Variants in PLD5 observed in about 807,000 individuals in gnomAD.
The protein encoded by PLD5 is phospholipase D family member 5, also known as inactive phospholipase D5.
In PLD5, 36 loss-of-function variants were observed where a neutral mutation model predicts 61.1. The ratio of observed to expected loss-of-function variants is 0.59; its 90% CI spans 0.45 to 0.78. The LOEUF is 0.78. Among genes scored for constraint, PLD5 ranks in the 30% least tolerant of loss-of-function variants. PLD5 has a pLI of 0.00. For missense variants in PLD5, 515 were observed against 644.4 expected, an observed-to-expected ratio of 0.80 and a Z score of 2.17; for synonymous variants, 243 against 242.8, an observed-to-expected ratio of 1.00 and a Z score of -0.01.
intron 6 of PLD5, among the ~76,000 whole-genome samples, chr1:242,114,857 T>C (rs924355727): frequency 6.6e-6 from 1 of 152,158 alleles, no homozygotes; most frequent in Admixed American, 6.5e-5. Flanking sequence ...GTTATTTCAT[T>C]ATATATTACA....
upstream of PLD5, among the ~76,000 whole-genome samples, chr1:242,526,467 C>T (rs543493724): frequency 6.6e-6 from 1 of 152,256 alleles, no homozygotes; most frequent in African/African-American, 2.4e-5. Flanking sequence ...GATGGAGTCT[C>T]GCTCTGTCAC....
intron 9 of PLD5, among the ~76,000 whole-genome samples, chr1:242,093,407 A>G (rs1403841272): frequency 2.0e-5 from 3 of 152,114 alleles, no homozygotes; most frequent in Admixed American, 2.0e-4. Context: ...TCTCATCCCC[A>G]CAGCTGTTGC....
In PLD5 at chr1:242,328,773, A is replaced by G. The variant is rs370585422; in HGVS notation, c.326+19333T>C. On this transcript the variant is annotated intron_variant, in intron 2 of 9. Transcript: ENST00000536534. ...TAAGAATACAAAGCCAAAGATACCA[A>G]TATTTCTCCAGAATCAACCTGCCAC... 1.1e-4 allele frequency among the ~76,000 whole-genome samples: 17 copies of G among 152,308 alleles called. No individual in the cohort carries two copies. The South Asian group carries it at 2.9e-3, about 26-fold the overall frequency.
intron 1 of PLD5, among the ~76,000 whole-genome samples, chr1:242,373,169 C>T (rs1212302023): frequency 6.6e-6 from 1 of 152,184 alleles, no homozygotes; most frequent in African/African-American, 2.4e-5. Context: ...TCAAAGAAGA[C>T]ATTTATGCAG....
intron 1 of PLD5, among the ~76,000 whole-genome samples, chr1:242,410,826 C>G (rs1383294982): frequency 1.3e-5 from 2 of 152,082 alleles, no homozygotes; most frequent in Non-Finnish European, 2.9e-5. Flanking sequence ...TGCTCAGATT[C>G]TGTGATCCTG....
chr1:242,181,961 G>C (rs551662353), intron 5 of PLD5, among the ~76,000 whole-genome samples: 212 of 152,284 alleles, frequency 1.4e-3, no homozygotes, highest in African/African-American at 4.8e-3. Flanking sequence ...CTTCACTGTA[G>C]AAAAGATAAA....
At chr1:242,420,770 G>A (rs181652650) in intron 1 of PLD5, among the ~76,000 whole-genome samples, 238 of 152,228 alleles carry the variant, frequency 1.6e-3, no homozygotes, top group Non-Finnish European at 2.6e-3. Flanking sequence ...TCAAAGGTTC[G>A]AGAAATTCCT....
intron 1 of PLD5, among the ~76,000 whole-genome samples, chr1:242,510,967 G>A (rs1294943263): frequency 6.6e-6 from 1 of 152,170 alleles, no homozygotes; most frequent in Non-Finnish European, 1.5e-5. Flanking sequence ...AGTGGACCTT[G>A]TGGGGGCTGA....
intron 2 of PLD5, among the ~76,000 whole-genome samples, chr1:242,328,306 ATATATGTTCTACATAT>A (rs1209995598): frequency 1.2e-3 from 3 of 2,432 alleles, no homozygotes; most frequent in African/African-American, 2.7e-3. Flanking sequence ...TGTTCTACAT[ATATATGTTCTACATAT>A]ATGTGTTTTA....
At chr1:242,152,201 GTCGCATGGCC>G (rs2148819691) in intron 5 of PLD5, among the ~76,000 whole-genome samples, 1 of 152,044 alleles carries the variant, frequency 6.6e-6, no homozygotes, top group South Asian at 2.1e-4. Context: ...CACCTTCCCT[GTCGCATGGCC>G]TCTTCCTCCA....
chr1:242,487,214 T>A lies in PLD5; in HGVS notation c.189+36874A>T, dbSNP rs9887852. Among the ~76,000 whole-genome samples the A allele has an allele frequency of 4.6e-3, 691 of 151,148 alleles. 6 individuals are homozygous for A. Among genetic ancestry groups the A allele is most frequent in the African/African-American group, 0.016 (671 of 41,208 alleles). On this transcript the variant is annotated intron_variant, in intron 1 of 9. Transcript: ENST00000536534. ...TACCCTAAAACTTAAAGTATATATA[T>A]AAAAAAAAGTGACCAAAGAAAAAAA...
chr1:242,248,922 C>T lies in PLD5; in HGVS notation c.607+16415G>A, dbSNP rs1237125203. Among the ~76,000 whole-genome samples, 14 of 152,160 alleles carry T rather than the reference C, an allele frequency of 9.2e-5. 1 individual carries two copies. In the South Asian group the frequency reaches 1.0e-3, roughly 11 times the overall value. ...CAGTACTTTAGGAGGCCAAGGCGGGCGGATCACCTAAGGTCAGGAGTTTGA... is the reference window on the plus strand; with the variant it reads ...CAGTACTTTAGGAGGCCAAGGCGGGTGGATCACCTAAGGTCAGGAGTTTGA... On this transcript the variant is annotated intron_variant, in intron 4 of 9. Coordinates refer to ENST00000536534, the MANE Select transcript of PLD5 (RefSeq NM_001372062.1).
At chr1:242,461,378 T>C (rs1457891852) in intron 1 of PLD5, among the ~76,000 whole-genome samples, 1 of 152,188 alleles carries the variant, frequency 6.6e-6, no homozygotes, top group Non-Finnish European at 1.5e-5. Context: ...TGGAGGTGTA[T>C]TATAGTATGC....
chr1:242,314,321 T>C (rs1676880123), intron 2 of PLD5, among the ~76,000 whole-genome samples: 7 of 152,176 alleles, frequency 4.6e-5, no homozygotes, highest in Admixed American at 4.6e-4. Flanking sequence ...AATGCACAAG[T>C]AGGTCTGGCC....
At chr1:242,198,574 C>T (rs1420253317) in intron 5 of PLD5, among the ~76,000 whole-genome samples, 2 of 151,834 alleles carry the variant, frequency 1.3e-5, no homozygotes, top group African/African-American at 2.4e-5. Context: ...GAGGGACTCT[C>T]CCCAGACCTG....
intron 1 of PLD5, among the ~76,000 whole-genome samples, chr1:242,514,007 TAA>T (rs1464172549): frequency 1.3e-5 from 2 of 152,206 alleles, no homozygotes; most frequent in African/African-American, 2.4e-5. Context: ...TATGGACCAC[TAA>T]AAAAGATGCT....
chr1:242,486,589 A>C (rs1309639728), intron 1 of PLD5, among the ~76,000 whole-genome samples: 1 of 152,240 alleles, frequency 6.6e-6, no homozygotes, highest in Admixed American at 6.5e-5. Flanking sequence ...GTGGAGAAAT[A>C]GGAACACTTT....
At chr1:242,414,561 A>G (rs1275049301) in intron 1 of PLD5, among the ~76,000 whole-genome samples, 1 of 152,224 alleles carries the variant, frequency 6.6e-6, no homozygotes, top group Non-Finnish European at 1.5e-5. Context: ...GAGACTAAGT[A>G]GCACTGGGAT....
intron 1 of PLD5, among the ~76,000 whole-genome samples, chr1:242,390,537 C>T (rs897045637): frequency 1.3e-5 from 2 of 151,898 alleles, no homozygotes; most frequent in Non-Finnish European, 2.9e-5. Context: ...TCTTTGATGC[C>T]GAAGTCAAAG....
Sources: gnomAD v4.1 joint callset for allele counts (sites outside exome capture counted in the v4.1 genomes callset) on GRCh38, gnomAD v4.1.1 for gene constraint, MANE v1.5 for transcripts, NCBI Gene and HGNC (gene_info 2026-07-23, HGNC 2026-07-21) for gene names.